Variants in SOX5 observed in about 807,000 individuals in gnomAD.
SOX5 encodes the protein SRY-box transcription factor 5.
Under a neutral mutation model 92.0 loss-of-function variants are expected in SOX5, and 9 were observed. That is an observed-to-expected ratio of 0.10 (90% confidence interval 0.06 to 0.17). The LOEUF is 0.17. SOX5 is among the 10% of genes least tolerant of loss of function. The probability of loss-of-function intolerance (pLI) is 1.00; values close to 1 mark genes in which losing one functional copy is unlikely to be tolerated. For missense variants in SOX5, 642 were observed against 944.5 expected (o/e 0.68, Z 4.20); for synonymous variants, 344 against 336.3 (o/e 1.02, Z -0.25).
Position 23,534,024 on chromosome 12 carries a change from G to A in SOX5, c.*195C>T. Reference sequence around the variant, plus strand: ...TCTCTTGTTGTTGATATTGTTGTTTGCTTGTTGTATTTGTTTTTTCTTTCC... The same window carrying A: ...TCTCTTGTTGTTGATATTGTTGTTTACTTGTTGTATTTGTTTTTTCTTTCC... On this transcript the variant is annotated 3_prime_UTR_variant, in exon 15 of 15. Coordinates refer to ENST00000451604, the MANE Select transcript of SOX5 (RefSeq NM_006940.6). 1 of 533,722 alleles carries A rather than the reference G, an allele frequency of 1.9e-6. No homozygotes were observed. Among genetic ancestry groups the A allele is most frequent in the Non-Finnish European group, 3.3e-6 (1 of 299,624 alleles). 33.1% of individuals were successfully genotyped at this position (533,722 alleles called of 1,614,324 possible).
upstream of SOX5, among the ~76,000 whole-genome samples, chr12:23,951,837 A>G (rs1342048918): frequency 6.6e-6 from 1 of 152,166 alleles, no homozygotes; most frequent in Non-Finnish European, 1.5e-5. Context: ...GGGGAAGAAT[A>G]TTACTCACTA....
At chr12:23,842,843 C>A (rs1284058210) in intron 3 of SOX5, among the ~76,000 whole-genome samples, 1 of 152,150 alleles carries the variant, frequency 6.6e-6, no homozygotes, top group Non-Finnish European at 1.5e-5. Flanking sequence ...CAATCCAGCT[C>A]TAGTAACATA....
intron 6 of SOX5, among the ~76,000 whole-genome samples, chr12:23,686,635 T>C (rs1477364429): frequency 6.6e-6 from 1 of 152,170 alleles, no homozygotes; most frequent in African/African-American, 2.4e-5. Flanking sequence ...GAAAAGCATA[T>C]GACATATCCT....
intron 1 of SOX5, among the ~76,000 whole-genome samples, chr12:24,557,990 G>C (rs1017402493): frequency 2.0e-5 from 3 of 152,110 alleles, no homozygotes; most frequent in African/African-American, 7.2e-5. Context: ...AAAATCATTA[G>C]TTGCCTATAA....
chr12:24,180,094 T>A (rs1431695583), intron 4 of SOX5, among the ~76,000 whole-genome samples: 2 of 151,944 alleles, frequency 1.3e-5, no homozygotes, highest in South Asian at 4.2e-4. Context: ...ATAGGAATTA[T>A]AGGATTATAG....
chr12:23,595,610 C>G (rs141535470), intron 9 of SOX5, among the ~76,000 whole-genome samples: 3 of 109,536 alleles, frequency 2.7e-5, no homozygotes, highest in African/African-American at 1.1e-4. Context: ...CAGAGTGAGA[C>G]TCTGCCTCAA....
intron 2 of SOX5, among the ~76,000 whole-genome samples, chr12:23,884,793 C>A (rs367633401): frequency 6.6e-6 from 1 of 152,154 alleles, no homozygotes; most frequent in African/African-American, 2.4e-5. Flanking sequence ...AGTTGCTGAA[C>A]TCACTGGGTT....
intron 13 of SOX5, among the ~76,000 whole-genome samples, chr12:23,539,329 G>T (rs983953720): frequency 1.3e-5 from 2 of 152,140 alleles, no homozygotes; most frequent in Non-Finnish European, 2.9e-5. Context: ...GAAAGTTATA[G>T]TTCCTGTCTC....
At chr12:24,518,222 C>A (rs1222697235) in intron 1 of SOX5, among the ~76,000 whole-genome samples, 1 of 151,950 alleles carries the variant, frequency 6.6e-6, no homozygotes. Context: ...GCATGTACCA[C>A]CATGCCTGGC....
chr12:24,214,120 C>T (rs1423065903), intron 3 of SOX5, among the ~76,000 whole-genome samples: 1 of 151,878 alleles, frequency 6.6e-6, no homozygotes, highest in Admixed American at 6.6e-5. Context: ...AATACATAAG[C>T]ACTTAGCAAA....
intron 1 of SOX5, among the ~76,000 whole-genome samples, chr12:23,914,574 T>C (rs1305798853): frequency 2.6e-5 from 4 of 152,132 alleles, no homozygotes; most frequent in African/African-American, 9.7e-5. Flanking sequence ...ATTTGAGTGA[T>C]ACCAATAATA....
intron 3 of SOX5, among the ~76,000 whole-genome samples, chr12:24,232,603 T>G (rs1963621219): frequency 6.6e-6 from 1 of 152,190 alleles, no homozygotes; most frequent in Non-Finnish European, 1.5e-5. Context: ...TATTGCTGAT[T>G]TCTGGCTCTA....
intron 1 of SOX5, among the ~76,000 whole-genome samples, chr12:23,943,593 T>C (rs955259914): frequency 1.1e-4 from 16 of 151,940 alleles, no homozygotes; most frequent in Non-Finnish European, 2.4e-4. Context: ...AAACACATAC[T>C]ACAAAAATGC....
Position 24,337,350 on chromosome 12 carries a change from T to C in SOX5, c.-174+31213A>G, listed in dbSNP as rs568951337. Among the ~76,000 whole-genome samples the C allele has an allele frequency of 6.0e-4, 91 of 151,862 alleles. 1 individual carries two copies. The highest frequency in any genetic ancestry group is 2.1e-3 in the African/African-American group (88 of 41,400). On this transcript the variant is annotated intron_variant, in intron 2 of 4. Transcript: ENST00000446891. ...CTAAATCTGATTTTTCTTTTTTTTT[T>C]TTTTAAGAGAGAGAGAGTTTCACTC...
At chr12:23,689,132 T>A (rs895989773) in intron 6 of SOX5, among the ~76,000 whole-genome samples, 3 of 152,162 alleles carry the variant, frequency 2.0e-5, no homozygotes, top group African/African-American at 7.2e-5. Context: ...TTAGGCCATT[T>A]AGAGCTAATC....
intron 3 of SOX5, among the ~76,000 whole-genome samples, chr12:23,770,736 C>A (rs1403065669): frequency 6.6e-6 from 1 of 152,084 alleles, no homozygotes; most frequent in Non-Finnish European, 1.5e-5. Flanking sequence ...GTTAAAGATT[C>A]CTTTATGAAC....
At chr12:23,856,077 A>C (rs1189259771) in intron 2 of SOX5, among the ~76,000 whole-genome samples, 1 of 152,144 alleles carries the variant, frequency 6.6e-6, no homozygotes, top group African/African-American at 2.4e-5. Flanking sequence ...GGTATTAAAC[A>C]GTCCACAGAC....
intron 1 of SOX5, among the ~76,000 whole-genome samples, chr12:24,511,957 CAAA>C: frequency 7.6e-6 from 1 of 131,290 alleles, no homozygotes. Flanking sequence ...GACTCCATCT[CAAA>C]AAAAAAAAAA....
At chr12:24,279,831 T>A (rs371762987) in intron 2 of SOX5, among the ~76,000 whole-genome samples, 1 of 152,176 alleles carries the variant, frequency 6.6e-6, no homozygotes, top group Non-Finnish European at 1.5e-5. Context: ...CAGAAATAAC[T>A]AGGCTGAAAT....
Sources: allele counts gnomAD v4.1 joint callset (sites outside exome capture counted in the v4.1 genomes callset), GRCh38; gene constraint gnomAD v4.1.1; transcripts MANE v1.5; gene names NCBI Gene and HGNC (gene_info 2026-07-23, HGNC 2026-07-21).